FMN2: variants seen among roughly 807,000 people sequenced by gnomAD.
FMN2 encodes the protein formin 2.
Under a neutral mutation model 142.3 loss-of-function variants are expected in FMN2, and 51 were observed. That is an observed-to-expected ratio of 0.36 (90% CI 0.29 to 0.45). FMN2 has a LOEUF of 0.45. Among genes scored for constraint, FMN2 ranks in the 20% least tolerant of loss-of-function variants. FMN2 has a pLI of 1.00. For synonymous variants in FMN2, 882 were observed against 869.8 expected (o/e 1.01, Z -0.25); for missense variants, 1,936 against 2,122.8 (o/e 0.91, Z 1.73).
At chr1:240,171,042 G>A (rs1364336164) in intron 2 of FMN2, 31 of 1,052,842 alleles carry the variant, frequency 2.9e-5, no homozygotes, top group Non-Finnish European at 4.6e-5. Flanking sequence ...TCAGTGTGGT[G>A]GTTGGAGTAG....
At chr1:240,252,013 G>C (rs1668292986) in intron 6 of FMN2, among the ~76,000 whole-genome samples, 1 of 152,070 alleles carries the variant, frequency 6.6e-6, no homozygotes, top group African/African-American at 2.4e-5. Flanking sequence ...GGTTAAAGCA[G>C]TTCTCCTGCC....
At chr1:240,426,639 G>A (rs920968661) in intron 15 of FMN2, among the ~76,000 whole-genome samples, 17 of 151,940 alleles carry the variant, frequency 1.1e-4, no homozygotes, top group Admixed American at 2.0e-4. Context: ...AACCCTACCC[G>A]CTTGCCTCCT....
chr1:240,222,329 G>A (rs1459829469), intron 6 of FMN2, among the ~76,000 whole-genome samples: 1 of 152,006 alleles, frequency 6.6e-6, no homozygotes, highest in Non-Finnish European at 1.5e-5. Flanking sequence ...TGAGGCCTCT[G>A]CTCTGTTCCA....
intron 2 of FMN2, among the ~76,000 whole-genome samples, chr1:240,130,416 C>T (rs770126282): frequency 1.3e-5 from 2 of 152,194 alleles, no homozygotes; most frequent in Non-Finnish European, 2.9e-5. Context: ...TATTCTCCTG[C>T]CTCACCCTAC....
intron 2 of FMN2, among the ~76,000 whole-genome samples, chr1:240,125,472 A>G (rs1206100043): frequency 2.0e-5 from 3 of 152,230 alleles, no homozygotes; most frequent in Non-Finnish European, 4.4e-5. Context: ...GCAGAACGCT[A>G]GAATGATGGT....
At chr1:240,336,795 C>G (rs534366338) in intron 13 of FMN2, among the ~76,000 whole-genome samples, 2 of 152,116 alleles carry the variant, frequency 1.3e-5, no homozygotes, top group Admixed American at 6.5e-5. Context: ...TATTACTCTT[C>G]TTAAAAAATG....
At chr1:240,363,057 T>C (rs1672546546) in intron 14 of FMN2, among the ~76,000 whole-genome samples, 2 of 152,228 alleles carry the variant, frequency 1.3e-5, no homozygotes, top group South Asian at 4.1e-4. Context: ...GTCTGTAGTA[T>C]TGGTAATGCT....
At chr1:240,310,036 CTT>C (rs1292503228) in intron 8 of FMN2, among the ~76,000 whole-genome samples, 20 of 152,172 alleles carry the variant, frequency 1.3e-4, no homozygotes, top group African/African-American at 3.6e-4. Context: ...TAATTATTAA[CTT>C]CAGGTCTGAC....
At chr1:240,371,453 T>C (rs1327737181) in intron 14 of FMN2, among the ~76,000 whole-genome samples, 2 of 152,182 alleles carry the variant, frequency 1.3e-5, no homozygotes, top group Admixed American at 6.5e-5. Context: ...TTACATTCTT[T>C]AGTGACTGAC....
At chr1:240,429,459 T>G (rs1675064157) in intron 15 of FMN2, among the ~76,000 whole-genome samples, 1 of 152,218 alleles carries the variant, frequency 6.6e-6, no homozygotes, top group Non-Finnish European at 1.5e-5. Flanking sequence ...TCTTCCTCCT[T>G]TCTTGGTTAG....
At chr1:240,114,094 T>C (rs1221836139) in intron 1 of FMN2, among the ~76,000 whole-genome samples, 1 of 152,224 alleles carries the variant, frequency 6.6e-6, no homozygotes, top group Non-Finnish European at 1.5e-5. Flanking sequence ...TTCAATGCCA[T>C]AATAGTTTTA....
At chr1:240,194,990 T>C (rs1181306243) in intron 4 of FMN2, among the ~76,000 whole-genome samples, 1 of 152,228 alleles carries the variant, frequency 6.6e-6, no homozygotes, top group Non-Finnish European at 1.5e-5. Flanking sequence ...TAAAATGCTT[T>C]GGAGGAGTTC....
chr1:240,185,630 A>G (rs772634124), intron 3 of FMN2, among the ~76,000 whole-genome samples: 4 of 152,242 alleles, frequency 2.6e-5, no homozygotes, highest in Non-Finnish European at 5.9e-5. Flanking sequence ...ATCAGAGCCC[A>G]GAAGTTTACT....
chr1:240,155,759 G>A (rs554435688), intron 2 of FMN2, among the ~76,000 whole-genome samples: 2 of 151,920 alleles, frequency 1.3e-5, no homozygotes, highest in South Asian at 4.2e-4. Context: ...ATTCTTTATT[G>A]AGTAATGTTT....
chr1:240,388,215 T>G (rs1240317454), intron 14 of FMN2, among the ~76,000 whole-genome samples: 2 of 12,724 alleles, frequency 1.6e-4, no homozygotes, highest in Non-Finnish European at 1.5e-4. Context: ...GAAAAAAACG[T>G]GGTGCTCAAA....
At chr1:240,172,898 T>C (rs1385356843) in intron 2 of FMN2, among the ~76,000 whole-genome samples, 1 of 151,838 alleles carries the variant, frequency 6.6e-6, no homozygotes, top group African/African-American at 2.4e-5. Flanking sequence ...ATAAATGTGT[T>C]AATTCAGTAG....
At chr1:240,113,554 T>A (rs149060974) in intron 1 of FMN2, among the ~76,000 whole-genome samples, 3,011 of 64,400 alleles carry the variant, frequency 0.047, 109 homozygotes, top group African/African-American at 0.17. Flanking sequence ...CAAGACTCCG[T>A]CTCAAAAAAA....
intron 4 of FMN2, among the ~76,000 whole-genome samples, chr1:240,203,062 G>T (rs576364979): frequency 6.6e-6 from 1 of 152,136 alleles, no homozygotes; most frequent in South Asian, 2.1e-4. Flanking sequence ...AAACGAAAAT[G>T]ATCTGTGCAT....
At chr1:240,226,244 A>C (rs1395336891) in intron 6 of FMN2, among the ~76,000 whole-genome samples, 5 of 152,232 alleles carry the variant, frequency 3.3e-5, no homozygotes, top group African/African-American at 4.8e-5. Flanking sequence ...CCCCTATATC[A>C]TAGTCAAATT....
Sources: gnomAD v4.1 joint callset for allele counts (sites outside exome capture counted in the v4.1 genomes callset) on GRCh38, gnomAD v4.1.1 for gene constraint, MANE v1.5 for transcripts, NCBI Gene and HGNC (gene_info 2026-07-23, HGNC 2026-07-21) for gene names.